The following DCHS1 variants were observed in gnomAD, a reference collection of about 807,000 sequenced individuals.
DCHS1 encodes dachsous cadherin-related 1, also known as protocadherin-16.
In DCHS1, 78 loss-of-function variants were observed where a neutral mutation model predicts 213.9. The observed-to-expected ratio is 0.36, with a 90% CI of 0.30 to 0.44. The LOEUF is 0.44. Among genes scored for constraint, DCHS1 ranks in the 20% least tolerant of loss-of-function variants. DCHS1 has a pLI of 1.00. For synonymous variants in DCHS1, 1,828 were observed against 1,873.7 expected, an observed-to-expected ratio of 0.98 and a Z score of 0.63; for missense variants, 3,946 against 4,395.9, an observed-to-expected ratio of 0.90 and a Z score of 2.89.
chr11:6,632,898 G>GCA lies in DCHS1; in HGVS notation c.2612_2613dup (p.Pro872CysfsTer7). ...ACCCGAGCTACAGCGAAAGCTGGGG[G>GCA]CACTCCACTGCCTGCTCGCACCTCC... On this transcript the variant is annotated frameshift_variant, in exon 6 of 21. Coordinates refer to ENST00000299441, the MANE Select transcript of DCHS1 (RefSeq NM_003737.4). LOFTEE classifies it high-confidence loss of function. This position sits in a 1 kb window ranked among gnomAD's most constrained non-coding sequence, Gnocchi z 5.9. The GCA allele has an allele frequency of 1.2e-6, 2 of 1,614,026 alleles. No individual in the cohort carries two copies. Among genetic ancestry groups the GCA allele is most frequent in the Non-Finnish European group, 1.7e-6 (2 of 1,179,882 alleles).
Position 6,632,949 on chromosome 11 carries a change from C to T in DCHS1, c.2563G>A (p.Glu855Lys). Reference protein sequence around the residue: ...LLQTLRPLDRELLGPVLELEV... With the variant: ...LLQTLRPLDRKLLGPVLELEV... ...AGCTCCAACACTGGTCCCAGTAGCT[C>T]CCGGTCCAGAGGGCGAAGTGTTTGC... Residue 855 changes from glutamate to lysine, a missense_variant, in exon 6 of 21, where the codon GAG (glutamate) becomes AAG (lysine). Glu to Lys is a moderately conservative substitution (Grantham distance 56). This residue lies in a region of DCHS1 where 3,384 missense variants were observed against 3,780.1 expected (regional missense o/e 0.90). Transcript: ENST00000299441. The surrounding 1 kb of genome is among the most constrained non-coding windows in gnomAD (Gnocchi z 5.9). 1.2e-6 allele frequency: 2 copies of T among 1,614,040 alleles called. No individual in the cohort carries two copies. Among genetic ancestry groups the T allele is most frequent in the South Asian group, 1.1e-5 (1 of 91,092 alleles).
At chr11:6,655,417 CG>C in intron 1 of DCHS1, 145 bp downstream of exon 1, 2 of 408,110 alleles carry the variant, frequency 4.9e-6, no homozygotes, top group Non-Finnish European at 6.6e-6. Context: ...CACGCCCGCC[CG>C]GGTCCCGCAG....
chr11:6,632,553 C>G lies in DCHS1; in HGVS notation c.2959G>C (p.Val987Leu), dbSNP rs1438453913. 3 of 1,523,632 alleles carry G rather than the reference C, an allele frequency of 2.0e-6. No individual in the cohort carries two copies. Among genetic ancestry groups the G allele is most frequent in the African/African-American group, 1.4e-5 (1 of 72,386 alleles). 94.4% of individuals were successfully genotyped at this position (1,523,632 alleles called of 1,614,324 possible). A position where few individuals can be genotyped will look rare whatever the true frequency, so the allele number is the denominator to read the frequency against. The change falls in exon 6 of 21, where the codon GTG becomes CTG. Residue 987 changes from valine (V) to leucine (L), a missense_variant. This residue lies in a region of DCHS1 where 3,384 missense variants were observed against 3,780.1 expected (regional missense o/e 0.90). Transcript: ENST00000299441. This position sits in a 1 kb window ranked among gnomAD's most constrained non-coding sequence, Gnocchi z 5.9. ...PRTSHFRLRV[V>L]VQDVGTRGLA... ...CCACGGGTTCCCACATCCTGTACCACCACCCGTAGTCGAAAGTGGCTGGTG... is the reference window on the plus strand; with the variant it reads ...CCACGGGTTCCCACATCCTGTACCAGCACCCGTAGTCGAAAGTGGCTGGTG...
In DCHS1 at chr11:6,623,595, A is replaced by G. The variant is rs1268128358; in HGVS notation, c.8081T>C (p.Ile2694Thr). 3.7e-6 allele frequency: 6 copies of G among 1,613,766 alleles called. No homozygotes were observed. The highest frequency in any genetic ancestry group is 3.4e-6 in the Non-Finnish European group (4 of 1,179,870). The change falls in exon 21 of 21, where the codon ATT becomes ACT. Residue 2694 changes from isoleucine (I) to threonine (T), a missense_variant. Transcript: ENST00000299441. ...ATGATCATTCACATCCTGGACCTCA[A>G]TTGTCACTGGTGCCAAAGCAAAGTG... ...GAHFALAPVT[I>T]EVQDVNDHGP...
At chr11:6,654,864 C>G (rs992251532) in intron 1 of DCHS1, among the ~76,000 whole-genome samples, 2 of 152,130 alleles carry the variant, frequency 1.3e-5, no homozygotes, top group Admixed American at 1.3e-4. Context: ...TCCCTCTCCC[C>G]ACCCCCTCCA....
At position 6,640,297 on chromosome 11, in the gene DCHS1, G is replaced by A. The variant is rs768549596; in HGVS notation, c.1317C>T (p.Asn439=). 7 of 1,608,028 alleles carry A rather than the reference G, an allele frequency of 4.4e-6. No homozygotes were observed. The highest frequency in any genetic ancestry group is 3.3e-5 in the South Asian group (3 of 90,120). Residue 439 remains asparagine (N), a synonymous_variant, in exon 2 of 21, where the codon AAC becomes AAT. Transcript: ENST00000299441. This position sits in a 1 kb window ranked among gnomAD's most constrained non-coding sequence, Gnocchi z 6.5. The part of the protein sequence containing the change: ...RLDREERDAY[N]LRVTATDSGS... ...CTGAGTCTGTGGCTGTAACCCTCAA[G>A]TTATAGGCATCCCTCTCCTCTCGAT...
rs141812490 is a variant in DCHS1 at position 6,645,832 on chromosome 11, C to T, written c.-120-4099G>A. On this transcript the variant is annotated intron_variant, in intron 1 of 20. Transcript: ENST00000299441. ...ACTCTCTCTCATGCTGTCAGGCTTA[C>T]GAAGATGCATTCCCATGCAGGCAGA... 2.0e-4 allele frequency among the ~76,000 whole-genome samples: 30 copies of T among 152,256 alleles called. No individual in the cohort carries two copies. In the East Asian group the frequency reaches 3.7e-3, roughly 19 times the overall value.
At position 6,628,235 on chromosome 11, in the gene DCHS1, T is replaced by G. The variant is rs148047005; in HGVS notation, c.5371+386A>C. Among the ~76,000 whole-genome samples the G allele has an allele frequency of 1.8e-4, 27 of 152,376 alleles. No homozygotes were observed. The East Asian group carries it at 4.4e-3, about 25-fold the overall frequency. ...TGGCAAGCTGTATACTTCATTGGCT[T>G]GTTTCACAATCATATTTTAACATCA... On this transcript the variant is annotated intron_variant, in intron 13 of 20. Coordinates refer to ENST00000299441, the MANE Select transcript of DCHS1 (RefSeq NM_003737.4). The surrounding 1 kb of genome is among the most constrained non-coding windows in gnomAD (Gnocchi z 4.3).
At chr11:6,648,891 A>C (rs1354605435) in intron 1 of DCHS1, among the ~76,000 whole-genome samples, 1 of 152,220 alleles carries the variant, frequency 6.6e-6, no homozygotes, top group Non-Finnish European at 1.5e-5. Context: ...GGCAGGCTCG[A>C]CTGTCAGGCT....
Position 6,631,819 on chromosome 11 carries a change from CAAG to C in DCHS1, c.3482-13_3482-11del. The C allele has an allele frequency of 6.6e-7, 1 of 1,515,236 alleles. No homozygotes were observed. Among genetic ancestry groups the C allele is most frequent in the South Asian group, 1.3e-5 (1 of 74,918 alleles). The allele number at this position is 1,515,236 out of a possible 1,614,324, so 93.9% of individuals were successfully genotyped here. A position where few individuals can be genotyped will look rare whatever the true frequency, so the allele number is the denominator to read the frequency against. On this transcript the variant is annotated splice_polypyrimidine_tract_variant and intron_variant, in intron 6 of 20. Coordinates refer to ENST00000299441, the MANE Select transcript of DCHS1 (RefSeq NM_003737.4). ...AGTGTGGTCACTTCTCCTGGGAGTG[CAAG>C]AAGGCGATCATGTACGAGATGTTTA...
Position 6,640,916 on chromosome 11 carries a change from G to T in DCHS1, c.698C>A (p.Pro233His). 1 of 1,614,038 alleles carries T rather than the reference G, an allele frequency of 6.2e-7. No individual in the cohort carries two copies. Among genetic ancestry groups the T allele is most frequent in the South Asian group, 1.1e-5 (1 of 91,084 alleles). The change falls in exon 2 of 21, where the codon CCC (proline) becomes CAC (histidine). Residue 233 changes from proline (P) to histidine (H), a missense_variant. Pro to His is a moderately conservative substitution (Grantham distance 77). Transcript: ENST00000299441. The surrounding 1 kb of genome is among the most constrained non-coding windows in gnomAD (Gnocchi z 6.5). ...LQLEAYDGGS[P>H]PRRAQALLDV... Reference sequence around the variant, plus strand: ...CAGCAGGGCCTGGGCCCTCCGGGGGGGTGAACCACCATCATAGGCCTCCAG... The same window carrying T: ...CAGCAGGGCCTGGGCCCTCCGGGGGTGTGAACCACCATCATAGGCCTCCAG...
chr11:6,646,570 A>G (rs1240773916), intron 1 of DCHS1, among the ~76,000 whole-genome samples: 1 of 151,862 alleles, frequency 6.6e-6, no homozygotes, highest in Non-Finnish European at 1.5e-5. Context: ...CTCTTTCCCC[A>G]GCATATGCTG....
In DCHS1 at chr11:6,651,448, T is replaced by C. The variant is rs145729457; in HGVS notation, c.-121+4115A>G. Among the ~76,000 whole-genome samples the C allele has an allele frequency of 9.4e-3, 1,428 of 152,314 alleles. 26 individuals carry two copies. Among genetic ancestry groups the C allele is most frequent in the African/African-American group, 0.032 (1,320 of 41,556 alleles). ...TGGGAGGCTTGGGGAGGTCAGACTA[T>C]GATCTCATAACCTTTGTTAAAAAGA... On this transcript the variant is annotated intron_variant, in intron 1 of 20. Coordinates refer to ENST00000299441, the MANE Select transcript of DCHS1 (RefSeq NM_003737.4).
intron 1 of DCHS1, among the ~76,000 whole-genome samples, chr11:6,650,926 G>A (rs547626817): frequency 4.6e-5 from 7 of 152,346 alleles, no homozygotes; most frequent in Admixed American, 1.3e-4. Context: ...GAGTGGAAGT[G>A]TCTCCAGCAG....
In DCHS1 at chr11:6,623,351, A is replaced by G; in HGVS notation, c.8325T>C (p.Tyr2775=). The G allele has an allele frequency of 6.3e-7, 1 of 1,597,074 alleles. No homozygotes were observed. Among genetic ancestry groups the G allele is most frequent in the South Asian group, 1.1e-5 (1 of 88,234 alleles). The part of the protein sequence containing the change: ...GELRARVPFD[Y]EHTESFRLLV... ...GCAGCCGGAAGCTTTCTGTGTGCTC[A>G]TAGTCAAAGGGCACTCGCGCACGCA... Residue 2775 remains tyrosine, a synonymous_variant, in exon 21 of 21, where the codon TAT becomes TAC. Coordinates refer to ENST00000299441, the MANE Select transcript of DCHS1 (RefSeq NM_003737.4).
rs1856039239 is a variant in DCHS1 at position 6,639,860 on chromosome 11, GC to G, written c.1753del (p.Ala585ProfsTer16). 1 of 1,611,774 alleles carries G rather than the reference GC, an allele frequency of 6.2e-7. No homozygotes were observed. Among genetic ancestry groups the G allele is most frequent in the African/African-American group, 1.3e-5 (1 of 74,920 alleles). Reference protein sequence around the residue: ...EPQFQRTFYNASLPEGTQPGT... With the variant: ...EPQFQRTFYNXSLPEGTQPGT... ...AGGCTGGGTGCCCTCAGGCAGTGAG[GC>G]ATTGTAGAAAGTCCTCTGGAATTGG... On this transcript the variant is annotated frameshift_variant, in exon 2 of 21. Transcript: ENST00000299441. LOFTEE classifies it high-confidence loss of function.
intron 2 of DCHS1, among the ~76,000 whole-genome samples, chr11:6,637,177 T>C (rs1855997680): frequency 6.6e-6 from 1 of 152,340 alleles, no homozygotes; most frequent in African/African-American, 2.4e-5. Flanking sequence ...TACCTTCTCA[T>C]AGAGGTCTGA....
rs1232510620 is a variant in DCHS1 at position 6,627,296 on chromosome 11, C to T, written c.5743G>A (p.Ala1915Thr). 1 of 1,612,354 alleles carries T rather than the reference C, an allele frequency of 6.2e-7. No individual in the cohort carries two copies. The highest frequency in any genetic ancestry group is 1.7e-5 in the Admixed American group (1 of 59,742). ...GGACACTGTTCTCTGTCCAAGGCTG[C>T]AGCTGTGCGCAGTTCTCCAGAGCTG... ...EPSSGELRTAAALDREQCPSY... is the reference protein window; with the variant it reads ...EPSSGELRTATALDREQCPSY... The change falls in exon 14 of 21, where the codon GCA becomes ACA. Residue 1915 changes from alanine (A) to threonine (T), a missense_variant. This residue lies in a region of DCHS1 where 3,384 missense variants were observed against 3,780.1 expected (regional missense o/e 0.90). Coordinates refer to ENST00000299441, the MANE Select transcript of DCHS1 (RefSeq NM_003737.4). The surrounding 1 kb of genome is among the most constrained non-coding windows in gnomAD (Gnocchi z 5.4).
Position 6,625,238 on chromosome 11 carries a change from A to T in DCHS1, c.7106T>A (p.Val2369Asp), listed in dbSNP as rs1434242171. 6.2e-7 allele frequency: 1 copy of T among 1,609,068 alleles called. No individual in the cohort carries two copies. The highest frequency in any genetic ancestry group is 1.1e-5 in the South Asian group (1 of 90,570). ...RANLTVLVED[V>D]NDNAPAFSQS... ...TGAGAAGGCAGGTGCATTGTCATTG[A>T]CATCCTCCACAAGCACTGTGAGGTT... Residue 2369 changes from valine (V) to aspartate (D), a missense_variant, in exon 19 of 21, where the codon GTC becomes GAC. Around this residue, in one of 3 missense-constraint regions of DCHS1, gnomAD observed 3,384 missense variants for 3,780.1 expected, o/e 0.90. Transcript: ENST00000299441. This position sits in a 1 kb window ranked among gnomAD's most constrained non-coding sequence, Gnocchi z 5.3.
Sources: allele counts gnomAD v4.1 joint callset (sites outside exome capture counted in the v4.1 genomes callset), GRCh38; gene constraint gnomAD v4.1.1; regional missense constraint gnomAD v4.1.1; non-coding constraint Gnocchi (gnomAD v3.1); transcripts MANE v1.5; gene names NCBI Gene and HGNC (gene_info 2026-07-23, HGNC 2026-07-21).